IGF2R: variants seen among roughly 807,000 people sequenced by gnomAD.
IGF2R encodes insulin like growth factor 2 receptor, also known as cation-independent mannose-6-phosphate receptor.
In IGF2R, 91 loss-of-function variants were observed where a neutral mutation model predicts 270.6. The observed-to-expected ratio is 0.34, with a 90% CI of 0.28 to 0.40. The LOEUF (loss-of-function observed/expected upper bound fraction) is 0.40. IGF2R is among the 10% of genes least tolerant of loss of function. The pLI is 1.00. For synonymous variants in IGF2R, 1,316 were observed against 1,258.9 expected (o/e 1.05, Z -0.96); for missense variants, 2,805 against 3,188.3 (o/e 0.88, Z 2.90).
chr6:159,991,163 G>T, intron 1 of IGF2R, 21 bp from the exon 2 acceptor site: 1 of 1,591,174 alleles, frequency 6.3e-7, no homozygotes, highest in Non-Finnish European at 8.6e-7. Context: ...ACATTGACAA[G>T]TTGTTTTTCT....
intron 3 of IGF2R, 151 bp downstream of exon 3, chr6:160,009,285 G>A (rs781447312): frequency 6.5e-6 from 4 of 613,564 alleles, no homozygotes; most frequent in Non-Finnish European, 1.1e-5. Context: ...TCATCATCAA[G>A]AACCAATAAG....
intron 41 of IGF2R, among the ~76,000 whole-genome samples, chr6:160,087,430 G>T (rs1583300629): frequency 6.6e-6 from 1 of 152,282 alleles, no homozygotes; most frequent in Admixed American, 6.5e-5. Context: ...GCCCTGTTCT[G>T]CAGGTAAGGC....
intron 2 of IGF2R, chr6:160,003,817 C>G (rs1239588471): frequency 6.6e-6 from 1 of 151,916 alleles, no homozygotes; most frequent in Non-Finnish European, 1.5e-5. Flanking sequence ...ATGACTGCTA[C>G]AGAAAAGGAA....
At chr6:159,997,116 C>T (rs896764099) in intron 2 of IGF2R, among the ~76,000 whole-genome samples, 7 of 152,218 alleles carry the variant, frequency 4.6e-5, no homozygotes, top group African/African-American at 1.7e-4. Flanking sequence ...GTACAGCACC[C>T]CTGTCTCCAC....
intron 33 of IGF2R, 46 bp from the exon 34 acceptor site, chr6:160,073,167 A>T (rs765675723): frequency 6.3e-7 from 1 of 1,596,034 alleles, no homozygotes. Flanking sequence ...AAAATTGGCC[A>T]TCGAGTCTGT....
intron 37 of IGF2R, among the ~76,000 whole-genome samples, chr6:160,079,169 C>T (rs1350198825): frequency 2.6e-5 from 4 of 152,208 alleles, no homozygotes; most frequent in Non-Finnish European, 5.9e-5. Context: ...CTGGGTGGGC[C>T]AGGAGAGTCA....
chr6:160,067,382 A>AT (rs1778608898), intron 29 of IGF2R, among the ~76,000 whole-genome samples: 1 of 151,338 alleles, frequency 6.6e-6, no homozygotes, highest in Non-Finnish European at 1.5e-5. Flanking sequence ...CGAACTTCAT[A>AT]TCCCCCTTAT....
intron 1 of IGF2R, among the ~76,000 whole-genome samples, chr6:159,986,417 TGTGTGTGTGTGTG>T (rs796809139): frequency 3.7e-5 from 4 of 108,664 alleles, no homozygotes; most frequent in African/African-American, 1.4e-4. Flanking sequence ...TGTGTGTGTG[TGTGTGTGTGTGTG>T]TTTTTTTTTT....
intron 37 of IGF2R, among the ~76,000 whole-genome samples, chr6:160,079,080 C>A (rs947658609): frequency 6.6e-6 from 1 of 152,186 alleles, no homozygotes; most frequent in African/African-American, 2.4e-5. Context: ...GTGTCAACAC[C>A]CTGGCTCCTG....
intron 1 of IGF2R, among the ~76,000 whole-genome samples, chr6:159,981,278 C>T (rs192182720): frequency 1.3e-4 from 19 of 151,706 alleles, no homozygotes; most frequent in African/African-American, 4.1e-4. Context: ...TGTGAGTGCA[C>T]GAGTGTGTGA....
At chr6:160,096,249 A>G (rs1009161384) in intron 44 of IGF2R, 190 bp from the exon 45 acceptor site, 5 of 491,330 alleles carry the variant, frequency 1.0e-5, no homozygotes, top group Non-Finnish European at 1.8e-5. Flanking sequence ...ATGCTGACTA[A>G]GGGCAGGGCT....
chr6:160,037,216 A>T (rs762572768), intron 10 of IGF2R, among the ~76,000 whole-genome samples: 1 of 152,176 alleles, frequency 6.6e-6, no homozygotes, highest in Admixed American at 6.5e-5. Flanking sequence ...GGCTGTTTTC[A>T]TTATGATTGT....
At position 160,089,047 on chromosome 6, in the gene IGF2R, G is replaced by T. The variant is rs540218615; in HGVS notation, c.6321-60G>T. On this transcript the variant is annotated intron_variant, in intron 42 of 47. Coordinates refer to ENST00000356956, the MANE Select transcript of IGF2R (RefSeq NM_000876.4). ...AGGGCTCCGCAGTGTTCATTGTTTT[G>T]CAGTCTTCCCTTATGTCTGGCTGGG... is the stretch of plus-strand genomic sequence containing the variant. 162 of 1,556,204 alleles carry T rather than the reference G, an allele frequency of 1.0e-4. 2 individuals carry two copies. In the South Asian group the frequency reaches 1.6e-3, roughly 15 times the overall value.
chr6:160,086,012 C>T (rs1779090651), intron 41 of IGF2R, among the ~76,000 whole-genome samples: 1 of 152,158 alleles, frequency 6.6e-6, no homozygotes, highest in African/African-American at 2.4e-5. Context: ...TTGCTTTTTC[C>T]CCTGTAATCT....
Position 159,969,250 on chromosome 6 carries a change from G to A in IGF2R, c.4G>A (p.Gly2Arg). M[G>R]AAAGRSPHLG... is the part of the protein sequence containing the mutation. ...CGCGCAGTCCGGGCCCGGCGCGATGGGGGCCGCCGCCGGCCGGAGCCCCCA... is the reference window on the plus strand; with the variant it reads ...CGCGCAGTCCGGGCCCGGCGCGATGAGGGCCGCCGCCGGCCGGAGCCCCCA... The change falls in exon 1 of 48, where the codon GGG becomes AGG. Residue 2 changes from glycine (G) to arginine (R), a missense_variant. Gly to Arg is a moderately radical substitution (Grantham distance 125). Coordinates refer to ENST00000356956, the MANE Select transcript of IGF2R (RefSeq NM_000876.4). The A allele has an allele frequency of 9.6e-7, 1 of 1,044,406 alleles. No homozygotes were observed. Among genetic ancestry groups the A allele is most frequent in the Non-Finnish European group, 1.1e-6 (1 of 871,378 alleles). 64.7% of individuals were successfully genotyped at this position (1,044,406 alleles called of 1,614,324 possible).
In IGF2R at chr6:159,992,692, A is replaced by G. The variant is rs1783998090; in HGVS notation, c.289+1369A>G. 1.3e-5 allele frequency among the ~76,000 whole-genome samples: 2 copies of G among 152,266 alleles called. 1 individual carries two copies. The highest frequency in any genetic ancestry group is 4.1e-4 in the South Asian group (2 of 4,830). On this transcript the variant is annotated intron_variant, in intron 2 of 47. Transcript: ENST00000356956. ...TGATGGACACTTAGGTTTATTCCAT[A>G]TCTTTGCAATTATGGATAGTGCTGT...
At chr6:159,991,955 T>C (rs1240264717) in intron 2 of IGF2R, among the ~76,000 whole-genome samples, 1 of 152,096 alleles carries the variant, frequency 6.6e-6, no homozygotes, top group Non-Finnish European at 1.5e-5. Context: ...CCAGGTTACA[T>C]AGAGTGGAGT....
At chr6:160,057,828 A>T (rs540552046) in intron 20 of IGF2R, among the ~76,000 whole-genome samples, 195 bp from the exon 21 acceptor site, 4 of 152,278 alleles carry the variant, frequency 2.6e-5, no homozygotes, top group Admixed American at 6.5e-5. Context: ...CTGGGCTCAC[A>T]CTTGGTATAC....
chr6:160,099,613 T>C (rs1485936653), intron 45 of IGF2R, among the ~76,000 whole-genome samples: 3 of 152,178 alleles, frequency 2.0e-5, no homozygotes, highest in African/African-American at 7.2e-5. Flanking sequence ...GTGATCCGCC[T>C]GCCTCAGCCT....
Sources: allele counts gnomAD v4.1 joint callset (sites outside exome capture counted in the v4.1 genomes callset), GRCh38; gene constraint gnomAD v4.1.1; transcripts MANE v1.5; gene names NCBI Gene and HGNC (gene_info 2026-07-23, HGNC 2026-07-21).